The following ZNF536 variants were observed in gnomAD, a reference collection of about 807,000 sequenced individuals.
ZNF536 encodes the protein zinc finger protein 536.
Under a neutral mutation model 84.5 loss-of-function variants are expected in ZNF536, and 13 were observed. The observed-to-expected ratio is 0.15, with a 90% confidence interval of 0.10 to 0.24. The LOEUF is 0.24. Among genes scored for constraint, ZNF536 ranks in the 10% least tolerant of loss-of-function variants. ZNF536 has a pLI of 1.00. For missense variants in ZNF536, 1,536 were observed against 1,747.5 expected (o/e 0.88, Z 2.16); for synonymous variants, 811 against 742.5 (o/e 1.09, Z -1.50).
intron 1 of ZNF536, among the ~76,000 whole-genome samples, chr19:30,239,310 C>G (rs958705750): frequency 3.1e-4 from 47 of 152,206 alleles, no homozygotes; most frequent in African/African-American, 1.1e-3. Context: ...AGAACACTCT[C>G]TGTCTTTTGA....
In ZNF536 at chr19:30,395,390, A is replaced by C. The variant is rs376597172; in HGVS notation, c.-3+22834A>C. Among the ~76,000 whole-genome samples the C allele has an allele frequency of 3.3e-5, 5 of 152,318 alleles. No homozygotes were observed. The South Asian group carries it at 8.3e-4, about 25-fold the overall frequency. On this transcript the variant is annotated intron_variant, in intron 1 of 4. Coordinates refer to ENST00000355537, the MANE Select transcript of ZNF536 (RefSeq NM_014717.3). ...ATCTGGTTTGGGGTGGACCAGTTGC[A>C]GTTTAACGTTAAAACCCAGCCCTGC... is the stretch of plus-strand genomic sequence containing the variant.
At position 30,640,775 on chromosome 19, in the gene ZNF536, A is replaced by G. The variant is rs557329875; in HGVS notation, c.170-69982A>G. ...TTCACAGAGATCAGAGGCACATTCA[A>G]AGGACATTCATTTCTTATGCAGCAT... On this transcript the variant is annotated intron_variant, in intron 1 of 1. Transcript: ENST00000592773. Among the ~76,000 whole-genome samples the G allele has an allele frequency of 2.0e-4, 30 of 152,352 alleles. 1 individual carries two copies. The South Asian group carries it at 5.4e-3, about 27-fold the overall frequency.
At chr19:30,539,579 G>A (rs1338799667) in intron 3 of ZNF536, among the ~76,000 whole-genome samples, 1 of 152,184 alleles carries the variant, frequency 6.6e-6, no homozygotes, top group Non-Finnish European at 1.5e-5. Context: ...ATGCAATGGG[G>A]AGGGCGCATG....
chr19:30,631,405 C>G (rs1244786075), intron 1 of ZNF536, among the ~76,000 whole-genome samples: 2 of 152,206 alleles, frequency 1.3e-5, no homozygotes, highest in African/African-American at 2.4e-5. Context: ...GGCCCAGTCT[C>G]CAGACCCGGC....
Position 30,496,851 on chromosome 19 carries a change from G to T in ZNF536, c.2171-37996G>T, listed in dbSNP as rs1047395991. Among the ~76,000 whole-genome samples the T allele has an allele frequency of 5.9e-5, 9 of 152,058 alleles. 1 individual carries two copies. The highest frequency in any genetic ancestry group is 5.9e-4 in the Admixed American group (9 of 15,274). ...TGATAAGCTAGGTCCACACAGCTAC[G>T]AGGGGCGAGGGGCACTGTGCCACTA... On this transcript the variant is annotated intron_variant, in intron 2 of 4. Coordinates refer to ENST00000355537, the MANE Select transcript of ZNF536 (RefSeq NM_014717.3).
chr19:30,230,451 A>G (rs948954613), intron 1 of ZNF536, among the ~76,000 whole-genome samples: 2 of 152,210 alleles, frequency 1.3e-5, no homozygotes, highest in African/African-American at 2.4e-5. Context: ...TGGAGTGGTT[A>G]ACTTCTGAGC....
chr19:30,393,991 C>T (rs977153688), intron 1 of ZNF536, among the ~76,000 whole-genome samples: 1 of 151,876 alleles, frequency 6.6e-6, no homozygotes, highest in Admixed American at 6.6e-5. Flanking sequence ...TGCCTTTGGT[C>T]CAGAGATGGA....
intron 1 of ZNF536, among the ~76,000 whole-genome samples, chr19:30,574,871 AT>A (rs966240884): frequency 4.0e-5 from 6 of 151,762 alleles, no homozygotes; most frequent in East Asian, 1.9e-4. Context: ...ATCCTATTCG[AT>A]TTTTTTTTAA....
chr19:30,602,342 G>C (rs1051432098), intron 1 of ZNF536, among the ~76,000 whole-genome samples: 3 of 152,200 alleles, frequency 2.0e-5, no homozygotes, highest in Admixed American at 6.5e-5. Flanking sequence ...GGTGAAGCTG[G>C]TGGAGATTAT....
At chr19:30,620,827 T>A (rs1306008070) in intron 1 of ZNF536, among the ~76,000 whole-genome samples, 1 of 152,130 alleles carries the variant, frequency 6.6e-6, no homozygotes, top group South Asian at 2.1e-4. Flanking sequence ...GAACTTTAAT[T>A]ATTCTTTTTG....
chr19:30,594,655 C>G (rs559413046), intron 1 of ZNF536, among the ~76,000 whole-genome samples: 1 of 152,086 alleles, frequency 6.6e-6, no homozygotes, highest in Non-Finnish European at 1.5e-5. Context: ...GGGGGCACAC[C>G]AGGGCACCCC....
At chr19:30,349,441 G>A (rs1003054578) in intron 2 of ZNF536, among the ~76,000 whole-genome samples, 1 of 152,160 alleles carries the variant, frequency 6.6e-6, no homozygotes, top group African/African-American at 2.4e-5. Context: ...CCAAGGTACA[G>A]TCCTTCCCCA....
rs532799548 is a variant in ZNF536, at chr19:30,600,283, G to T, written c.169+50769G>T. The stretch of plus-strand genomic sequence containing the variant: ...ATTTTTTGTATTTTTAGTAGAGACG[G>T]GGTTTCACCATGTTGGCCAGGCTGG... On this transcript the variant is annotated intron_variant, in intron 1 of 1. Coordinates refer to the ZNF536 transcript ENST00000592773. Among the ~76,000 whole-genome samples the T allele has an allele frequency of 3.9e-5, 6 of 152,126 alleles. No individual in the cohort carries two copies. The East Asian group carries it at 1.2e-3, about 29-fold the overall frequency.
chr19:30,518,925 C>T (rs1422920588), intron 2 of ZNF536, among the ~76,000 whole-genome samples: 1 of 152,166 alleles, frequency 6.6e-6, no homozygotes, highest in Non-Finnish European at 1.5e-5. Flanking sequence ...GGGAAAGAAA[C>T]ATCCCGGGAG....
chr19:30,279,742 G>A (rs1423544874), intron 1 of ZNF536, among the ~76,000 whole-genome samples: 1 of 152,168 alleles, frequency 6.6e-6, no homozygotes, highest in African/African-American at 2.4e-5. Context: ...CATTGCTTGG[G>A]AGCCACTGCA....
intron 2 of ZNF536, among the ~76,000 whole-genome samples, chr19:30,461,071 G>T (rs2077942797): frequency 6.6e-6 from 1 of 152,158 alleles, no homozygotes; most frequent in African/African-American, 2.4e-5. Context: ...GTGAGCCCAG[G>T]CCTCTGGCAT....
chr19:30,240,649 C>G (rs2023878237), intron 1 of ZNF536, among the ~76,000 whole-genome samples: 1 of 152,186 alleles, frequency 6.6e-6, no homozygotes, highest in Non-Finnish European at 1.5e-5. Context: ...GGAAGAACCC[C>G]CGAGCAGCTG....
intron 3 of ZNF536, among the ~76,000 whole-genome samples, chr19:30,359,480 G>C (rs1159206119): frequency 1.3e-5 from 2 of 152,214 alleles, no homozygotes; most frequent in East Asian, 1.9e-4. Flanking sequence ...GACTGCATGG[G>C]GTAAGGCCGT....
At chr19:30,583,056 C>T (rs1364491259) in intron 1 of ZNF536, among the ~76,000 whole-genome samples, 2 of 152,198 alleles carry the variant, frequency 1.3e-5, no homozygotes, top group East Asian at 3.9e-4. Context: ...AGACACCTGT[C>T]TGGCCTCTCA....
Sources: gnomAD v4.1 joint callset for allele counts (sites outside exome capture counted in the v4.1 genomes callset) on GRCh38, gnomAD v4.1.1 for gene constraint, MANE v1.5 for transcripts, NCBI Gene and HGNC (gene_info 2026-07-23, HGNC 2026-07-21) for gene names.